CNNM1: variants seen among roughly 807,000 people sequenced by gnomAD.
The protein encoded by CNNM1 is cyclin and CBS domain divalent metal cation transport mediator 1.
A neutral mutation model predicts 78.8 loss-of-function variants in CNNM1; 44 were observed. The observed-to-expected ratio is 0.56, with a 90% CI of 0.44 to 0.72. The LOEUF (loss-of-function observed/expected upper bound fraction) is 0.72, where lower values mean the gene tolerates loss of function less well. Ranked by LOEUF, CNNM1 falls within the 30% of genes least tolerant of loss-of-function variation. The pLI is 0.00. For synonymous variants in CNNM1, 584 were observed against 581.5 expected, an observed-to-expected ratio of 1.00 and a Z score of -0.06; for missense variants, 1,101 against 1,292.2, an observed-to-expected ratio of 0.85 and a Z score of 2.27.
At chr10:99,364,651 T>G (rs1388522993) in intron 5 of CNNM1, 135 bp downstream of exon 5, 7 of 719,052 alleles carry the variant, frequency 9.7e-6, no homozygotes, top group African/African-American at 1.8e-5. Flanking sequence ...TGGCTTTAGT[T>G]CCTTCCTCTG....
rs756616766 is a variant in CNNM1, at chr10:99,329,746, C to A, written c.359C>A (p.Pro120His). 84 of 1,502,702 alleles carry A rather than the reference C, an allele frequency of 5.6e-5. No homozygotes were observed. Among genetic ancestry groups the A allele is most frequent in the Non-Finnish European group, 7.4e-5 (84 of 1,135,234 alleles). The allele number at this position is 1,502,702 out of a possible 1,614,324, so 93.1% of individuals were successfully genotyped here. A position where few individuals can be genotyped will look rare whatever the true frequency, so the allele number is the denominator to read the frequency against. The change falls in exon 1 of 11, where the codon CCC becomes CAC. Residue 120 changes from proline to histidine, a missense_variant. By Grantham distance (77) the Pro-to-His change is moderately conservative. Transcript: ENST00000356713. ...CCCCCGGGCGGTGGCGGCGTGGCCC[C>A]CAGCGCGGTCCCCACTCGCCCCCCG... is the stretch of plus-strand genomic sequence containing the variant. Reference protein sequence around the residue: ...EEPPGGGGVAPSAVPTRPPGP... With the variant: ...EEPPGGGGVAHSAVPTRPPGP...
At position 99,387,809 on chromosome 10, in the gene CNNM1, C is replaced by T. The variant is rs749031611; in HGVS notation, c.2341-11C>T. 8 of 1,583,300 alleles carry T rather than the reference C, an allele frequency of 5.1e-6. No homozygotes were observed. In the South Asian group the frequency reaches 7.0e-5, roughly 14 times the overall value. On this transcript the variant is annotated splice_polypyrimidine_tract_variant and intron_variant, in intron 7 of 10. Coordinates refer to ENST00000356713, the MANE Select transcript of CNNM1 (RefSeq NM_020348.3). ...CTAGCTGCTCCTAAGCTCCTGCCCT[C>T]TTCCTTCCAGATCACACGGCAGCAA...
chr10:99,340,795 TCTTA>T (rs2030413484), intron 1 of CNNM1, among the ~76,000 whole-genome samples: 1 of 151,126 alleles, frequency 6.6e-6, no homozygotes, highest in Non-Finnish European at 1.5e-5. Flanking sequence ...TTTCTTTCTT[TCTTA>T]CTTTCTCTTT....
intron 6 of CNNM1, among the ~76,000 whole-genome samples, chr10:99,366,328 T>A (rs1379295240): frequency 6.6e-6 from 1 of 152,144 alleles, no homozygotes; most frequent in Non-Finnish European, 1.5e-5. Context: ...CCATCATCCA[T>A]CACATTAGGG....
At position 99,329,493 on chromosome 10, in the gene CNNM1, C is replaced by A. The variant is rs1357385603; in HGVS notation, c.106C>A (p.Pro36Thr). Residue 36 changes from proline (P) to threonine (T), a missense_variant, in exon 1 of 11, where the codon CCG becomes ACG. Around this residue, in one of 3 missense-constraint regions of CNNM1, gnomAD observed 476 missense variants for 484.5 expected, o/e 0.98. Transcript: ENST00000356713. ...LLFFSLSPRP[P>T]AAAAWLLGLR... ...CTTCTTTTCCCTGTCTCCTCGGCCCCCGGCCGCCGCCGCCTGGCTGCTGGG... is the reference window on the plus strand; with the variant it reads ...CTTCTTTTCCCTGTCTCCTCGGCCCACGGCCGCCGCCGCCTGGCTGCTGGG... 6.6e-7 allele frequency: 1 copy of A among 1,507,874 alleles called. No individual in the cohort carries two copies. The highest frequency in any genetic ancestry group is 2.1e-5 in the Admixed American group (1 of 47,672). The allele number at this position is 1,507,874 out of a possible 1,614,324, so 93.4% of individuals were successfully genotyped here.
At chr10:99,375,027 C>T (rs990350011) in intron 6 of CNNM1, among the ~76,000 whole-genome samples, 17 of 152,030 alleles carry the variant, frequency 1.1e-4, no homozygotes, top group African/African-American at 3.9e-4. Context: ...GAGGAGCAGA[C>T]AGCCATTAGC....
chr10:99,335,336 A>G (rs978925242), intron 1 of CNNM1, among the ~76,000 whole-genome samples: 2 of 152,222 alleles, frequency 1.3e-5, no homozygotes, highest in Non-Finnish European at 2.9e-5. Flanking sequence ...CTTTCACACT[A>G]GAGTGTGAGG....
At chr10:99,384,960 T>G (rs1206499867) in intron 7 of CNNM1, among the ~76,000 whole-genome samples, 2 of 150,908 alleles carry the variant, frequency 1.3e-5, no homozygotes, top group Non-Finnish European at 2.9e-5. Context: ...TCCCATCTAC[T>G]CAGGAGCCTG....
chr10:99,377,135 A>G lies in CNNM1; in HGVS notation c.2257A>G (p.Asn753Asp), dbSNP rs780316491. 1 of 1,612,440 alleles carries G rather than the reference A, an allele frequency of 6.2e-7. No individual in the cohort carries two copies. The change falls in exon 7 of 11, where the codon AAC (asparagine) becomes GAC (aspartate). Residue 753 changes from asparagine (N) to aspartate (D), a missense_variant. Around this residue, in one of 3 missense-constraint regions of CNNM1, gnomAD observed 348 missense variants for 384.5 expected, o/e 0.90. Transcript: ENST00000356713. Reference sequence around the variant, plus strand: ...AGAGCGCAGTGACTTTGGGGGCAGCAACACCCAGCTGTACAGCAGCAGCAA... The same window carrying G: ...AGAGCGCAGTGACTTTGGGGGCAGCGACACCCAGCTGTACAGCAGCAGCAA... Reference protein sequence around the residue: ...NRERSDFGGSNTQLYSSSNNL... With the variant: ...NRERSDFGGSDTQLYSSSNNL...
At position 99,330,537 on chromosome 10, in the gene CNNM1, C is replaced by A. The variant is rs1850591493; in HGVS notation, c.1150C>A (p.Leu384Met). The A allele has an allele frequency of 6.3e-7, 1 of 1,594,522 alleles. No individual in the cohort carries two copies. Among genetic ancestry groups the A allele is most frequent in the Non-Finnish European group, 8.5e-7 (1 of 1,170,920 alleles). ...GCTGGGCCGCCTGCTGGACTGGGCG[C>A]TGCGCCAGGAGATAAGCACCTTCTA... ...YPLGRLLDWA[L>M]RQEISTFYTR... Residue 384 changes from leucine to methionine, a missense_variant, in exon 1 of 11, where the codon CTG (leucine) becomes ATG (methionine). By Grantham distance (15) the Leu-to-Met change is conservative. This residue lies in a region of CNNM1 where 277 missense variants were observed against 423.2 expected (regional missense o/e 0.65). Coordinates refer to ENST00000356713, the MANE Select transcript of CNNM1 (RefSeq NM_020348.3).
At chr10:99,375,563 T>A (rs2031937724) in intron 6 of CNNM1, among the ~76,000 whole-genome samples, 1 of 152,210 alleles carries the variant, frequency 6.6e-6, no homozygotes, top group Admixed American at 6.5e-5. Context: ...ATGGTTCTAA[T>A]GAGAAAATGA....
Position 99,393,859 on chromosome 10 carries a change from T to C in CNNM1, c.*2343T>C, listed in dbSNP as rs951601477. 6.6e-6 allele frequency: 1 copy of C among 152,326 alleles called. No individual in the cohort carries two copies. The highest frequency in any genetic ancestry group is 2.4e-5 in the African/African-American group (1 of 41,452). 9.4% of individuals were successfully genotyped at this position (152,326 alleles called of 1,614,324 possible). A position where few individuals can be genotyped will look rare whatever the true frequency, so the allele number is the denominator to read the frequency against. On this transcript the variant is annotated 3_prime_UTR_variant, in exon 11 of 11. Coordinates refer to ENST00000356713, the MANE Select transcript of CNNM1 (RefSeq NM_020348.3). ...GCCTTTTCCAGCAATGATTATTGAC[T>C]TCACCACACCCCTTGCCTGGCCTGG... is the stretch of plus-strand genomic sequence containing the variant.
In CNNM1 at chr10:99,391,695, G is replaced by A. The variant is rs1589929165; in HGVS notation, c.*179G>A. 2.4e-5 allele frequency: 14 copies of A among 581,826 alleles called. No homozygotes were observed. The highest frequency in any genetic ancestry group is 4.3e-5 in the Non-Finnish European group (14 of 325,810). 36.0% of individuals were successfully genotyped at this position (581,826 alleles called of 1,614,324 possible). On this transcript the variant is annotated 3_prime_UTR_variant, in exon 11 of 11. Coordinates refer to ENST00000356713, the MANE Select transcript of CNNM1 (RefSeq NM_020348.3). ...GATTTTCCCTCGTTACCTCCAGTTC[G>A]ACTCAGAACCTTGACATGGCCATAA...
chr10:99,340,876 T>TCCTTCCTTCCTTCCTG (rs71009744), intron 1 of CNNM1, among the ~76,000 whole-genome samples: 15 of 138,256 alleles, frequency 1.1e-4, no homozygotes, highest in African/African-American at 4.2e-4. Flanking sequence ...CTTCCTTCCT[T>TCCTTCCTTCCTTCCTG]CCTGCCTGCC....
intron 1 of CNNM1, 148 bp from the exon 2 acceptor site, chr10:99,357,364 C>T (rs1415581806): frequency 8.4e-6 from 5 of 593,164 alleles, no homozygotes; most frequent in Middle Eastern, 4.7e-4. Flanking sequence ...TTTATAAGCG[C>T]TTGCATAAAA....
At chr10:99,391,350 T>G in intron 10 of CNNM1, 87 bp from the exon 11 acceptor site, 1 of 1,003,614 alleles carries the variant, frequency 1.0e-6, no homozygotes, top group South Asian at 1.5e-5. Flanking sequence ...CATTTCTGCT[T>G]CTGTTTTGAA....
At chr10:99,332,969 G>C (rs1037238516) in intron 1 of CNNM1, among the ~76,000 whole-genome samples, 1 of 152,114 alleles carries the variant, frequency 6.6e-6, no homozygotes, top group Non-Finnish European at 1.5e-5. Flanking sequence ...GCATTGGGTG[G>C]CATAAACCAC....
At chr10:99,331,603 A>G (rs1589880480) in intron 1 of CNNM1, among the ~76,000 whole-genome samples, 1 of 152,220 alleles carries the variant, frequency 6.6e-6, no homozygotes, top group Non-Finnish European at 1.5e-5. Context: ...GCGGCGGCTC[A>G]TGCTTCTAAT....
intron 1 of CNNM1, among the ~76,000 whole-genome samples, chr10:99,353,589 G>GGGCT (rs1490628111): frequency 6.6e-6 from 1 of 152,180 alleles, no homozygotes; most frequent in Middle Eastern, 3.2e-3. Flanking sequence ...TGCAGGCATA[G>GGGCT]GGCTCTTCAA....
Sources: gnomAD v4.1 joint callset for allele counts (sites outside exome capture counted in the v4.1 genomes callset) on GRCh38, gnomAD v4.1.1 for gene constraint, gnomAD v4.1.1 regional missense constraint, MANE v1.5 for transcripts, NCBI Gene and HGNC (gene_info 2026-07-23, HGNC 2026-07-21) for gene names.